Variants in IREB2 observed in about 807,000 individuals in gnomAD.
IREB2 encodes iron responsive element binding protein 2, also known as iron-responsive element-binding protein 2.
A neutral mutation model predicts 118.8 loss-of-function variants in IREB2; 39 were observed. That is an observed-to-expected ratio of 0.33 (90% confidence interval 0.25 to 0.43). The LOEUF is 0.43. IREB2 is among the 20% of genes least tolerant of loss of function. IREB2 has a pLI of 1.00. For missense variants in IREB2, 900 were observed against 1,147.3 expected, an observed-to-expected ratio of 0.78 and a Z score of 3.11; for synonymous variants, 372 against 392.2, an observed-to-expected ratio of 0.95 and a Z score of 0.61.
intron 9 of IREB2, 59 bp downstream of exon 9, chr15:78,476,418 A>G: frequency 8.4e-7 from 1 of 1,188,318 alleles, no homozygotes; most frequent in East Asian, 2.5e-5. Flanking sequence ...GTTTGATAAT[A>G]TTTTATAAAT....
At chr15:78,493,239 A>G (rs1388073209) in intron 18 of IREB2, among the ~76,000 whole-genome samples, 2 of 152,148 alleles carry the variant, frequency 1.3e-5, no homozygotes, top group African/African-American at 2.4e-5. Flanking sequence ...GAGGGAACAT[A>G]TACTGTCATT....
chr15:78,467,147 T>G (rs1003665924), intron 5 of IREB2, among the ~76,000 whole-genome samples: 37 of 146,836 alleles, frequency 2.5e-4, no homozygotes, highest in Middle Eastern at 3.2e-3. Flanking sequence ...GAGGGGAGGT[T>G]GCAGTGAGCC....
intron 3 of IREB2, among the ~76,000 whole-genome samples, chr15:78,464,307 G>C (rs1323127590): frequency 1.3e-5 from 2 of 152,104 alleles, no homozygotes; most frequent in East Asian, 3.8e-4. Flanking sequence ...CCTGATCTAG[G>C]TGTCCAAGGA....
At chr15:78,460,769 C>T (rs938886166) in intron 2 of IREB2, among the ~76,000 whole-genome samples, 4 of 151,900 alleles carry the variant, frequency 2.6e-5, no homozygotes, top group Non-Finnish European at 5.9e-5. Flanking sequence ...ATCATGAGTT[C>T]GTATCCATGT....
intron 10 of IREB2, among the ~76,000 whole-genome samples, 189 bp from the exon 11 acceptor site, chr15:78,483,129 C>T (rs995824453): frequency 3.3e-5 from 5 of 152,066 alleles, no homozygotes; most frequent in African/African-American, 4.8e-5. Flanking sequence ...TTTCATGTTT[C>T]GTACATTTAA....
At chr15:78,464,188 A>T (rs2051243260) in intron 3 of IREB2, among the ~76,000 whole-genome samples, 1 of 152,250 alleles carries the variant, frequency 6.6e-6, no homozygotes, top group South Asian at 2.1e-4. Flanking sequence ...TTTACACAGT[A>T]GATGGAGTGA....
intron 16 of IREB2, among the ~76,000 whole-genome samples, 163 bp from the exon 17 acceptor site, chr15:78,490,259 A>G (rs141902083): frequency 7.9e-5 from 12 of 152,316 alleles, no homozygotes; most frequent in South Asian, 2.1e-4. Flanking sequence ...TAAAAAAAAG[A>G]AAAGAATACA....
At chr15:78,461,062 C>A (rs540502939) in intron 2 of IREB2, among the ~76,000 whole-genome samples, 75 of 152,244 alleles carry the variant, frequency 4.9e-4, no homozygotes, top group Non-Finnish European at 1.5e-4. Flanking sequence ...CCCAAAGCTA[C>A]CTTCTGCCGT....
At chr15:78,490,358 T>C (rs1265515866) in intron 16 of IREB2, 64 bp from the exon 17 acceptor site, 3 of 998,586 alleles carry the variant, frequency 3.0e-6, no homozygotes, top group Non-Finnish European at 4.5e-6. Flanking sequence ...ATCATTTTCA[T>C]GCGCCTCTTT....
At chr15:78,471,279 G>A (rs998558942) in intron 6 of IREB2, among the ~76,000 whole-genome samples, 2 of 152,202 alleles carry the variant, frequency 1.3e-5, no homozygotes, top group African/African-American at 4.8e-5. Context: ...AAAGTGCTGC[G>A]ATCACAGACA....
intron 7 of IREB2, among the ~76,000 whole-genome samples, chr15:78,472,379 T>C (rs1324962683): frequency 6.6e-6 from 1 of 152,032 alleles, no homozygotes; most frequent in East Asian, 1.9e-4. Flanking sequence ...TTTTCTTTTT[T>C]TTTTGGAGAC....
rs1309116421 is a variant in IREB2, at chr15:78,465,031, T to C, written c.273-220T>C. ...CTTATGCCTCAAAAATTATCTCTTA[T>C]TATTTTTGGCATATTTGCCCAAGTA... is the stretch of plus-strand genomic sequence containing the variant. On this transcript the variant is annotated intron_variant, in intron 3 of 21. Coordinates refer to ENST00000258886, the MANE Select transcript of IREB2 (RefSeq NM_004136.4). Among the ~76,000 whole-genome samples, 5 of 152,372 alleles carry C rather than the reference T, an allele frequency of 3.3e-5. No homozygotes were observed. In the South Asian group the frequency reaches 1.0e-3, roughly 32 times the overall value.
chr15:78,450,960 T>C (rs1166083586), intron 2 of IREB2, among the ~76,000 whole-genome samples: 1 of 151,714 alleles, frequency 6.6e-6, no homozygotes. Flanking sequence ...AATAATGTAA[T>C]GAGCAGACTG....
intron 6 of IREB2, among the ~76,000 whole-genome samples, chr15:78,471,154 G>T (rs1440641238): frequency 2.6e-5 from 4 of 151,938 alleles, no homozygotes; most frequent in Non-Finnish European, 5.9e-5. Flanking sequence ...TGGGATTACA[G>T]ATGTGCACCA....
Position 78,444,061 on chromosome 15 carries a change from T to TA in IREB2, c.106+4191dup, listed in dbSNP as rs370459615. ...AAAATGTAGATTTTGAGTAACTCTTTAAAAAAAAAAATTATAAAGATGGAG... is the reference window on the plus strand; with the variant it reads ...AAAATGTAGATTTTGAGTAACTCTTTAAAAAAAAAAAATTATAAAGATGGAG... On this transcript the variant is annotated intron_variant, in intron 2 of 21. Transcript: ENST00000258886. Among the ~76,000 whole-genome samples the TA allele has an allele frequency of 2.1e-4, 31 of 148,488 alleles. 1 individual carries two copies. In the South Asian group the frequency reaches 3.2e-3, roughly 15 times the overall value.
Position 78,466,340 on chromosome 15 carries a change from A to G in IREB2, c.480A>G (p.Lys160=). ...AAGCAGGAAAGCTCTCTCCACTTAAAGTGCAGCCTAAGAAGCTTCCCTGCA... is the reference window on the plus strand; with the variant it reads ...AAGCAGGAAAGCTCTCTCCACTTAAGGTGCAGCCTAAGAAGCTTCCCTGCA... The part of the protein sequence containing the change: ...LQKAGKLSPL[K]VQPKKLPCRG... The change falls in exon 5 of 22, where the codon AAA becomes AAG. Residue 160 remains lysine, a synonymous_variant. Coordinates refer to ENST00000258886, the MANE Select transcript of IREB2 (RefSeq NM_004136.4). The G allele has an allele frequency of 6.2e-7, 1 of 1,614,072 alleles. No homozygotes were observed. The highest frequency in any genetic ancestry group is 8.5e-7 in the Non-Finnish European group (1 of 1,179,932).
intron 2 of IREB2, among the ~76,000 whole-genome samples, chr15:78,452,071 A>T (rs929364784): frequency 6.6e-6 from 1 of 152,208 alleles, no homozygotes; most frequent in Non-Finnish European, 1.5e-5. Flanking sequence ...CGAAAATCAC[A>T]GTATAGGGTT....
chr15:78,478,352 GT>G lies in IREB2; in HGVS notation c.1254del (p.Arg419GlufsTer15). The part of the protein sequence containing the change: ...METYLKAVKL[F>X]RNDQNSSGEP... ...AAACATACCTTAAAGCTGTGAAATT[GT>G]TTCGAAATGACCAGAATTCTTCAGG... is the stretch of plus-strand genomic sequence containing the variant. On this transcript the variant is annotated frameshift_variant, in exon 10 of 22. Transcript: ENST00000258886. LOFTEE classifies it high-confidence loss of function. The G allele has an allele frequency of 6.2e-7, 1 of 1,613,582 alleles. No individual in the cohort carries two copies. The highest frequency in any genetic ancestry group is 8.5e-7 in the Non-Finnish European group (1 of 1,179,554).
chr15:78,477,452 T>G (rs1466928089), intron 9 of IREB2, among the ~76,000 whole-genome samples: 1 of 152,178 alleles, frequency 6.6e-6, no homozygotes, highest in African/African-American at 2.4e-5. Flanking sequence ...GCTGAGGACT[T>G]AGGTAAGTCT....
Sources: gnomAD v4.1 joint callset for allele counts (sites outside exome capture counted in the v4.1 genomes callset) on GRCh38, gnomAD v4.1.1 for gene constraint, MANE v1.5 for transcripts, NCBI Gene and HGNC (gene_info 2026-07-23, HGNC 2026-07-21) for gene names.